The following TMEM229B variants were observed in gnomAD, a reference collection of about 807,000 sequenced individuals.
TMEM229B encodes chromosome 14 open reading frame 83.
Under a neutral mutation model 13.7 loss-of-function variants are expected in TMEM229B, and 6 were observed. The ratio of observed to expected loss-of-function variants is 0.44; its 90% CI spans 0.24 to 0.86. TMEM229B has a LOEUF of 0.86. Ranked by LOEUF, TMEM229B falls within the 40% of genes least tolerant of loss-of-function variation. The pLI is 0.23. For synonymous variants in TMEM229B, 107 were observed against 102.1 expected (o/e 1.05, Z -0.29); for missense variants, 170 against 236.0 (o/e 0.72, Z 1.83).
intron 2 of TMEM229B, among the ~76,000 whole-genome samples, chr14:67,484,752 C>T (rs557211119): frequency 1.3e-5 from 2 of 152,028 alleles, no homozygotes; most frequent in South Asian, 4.2e-4. Flanking sequence ...AGTGAGACCT[C>T]ATTTCTAATA....
intron 1 of TMEM229B, among the ~76,000 whole-genome samples, chr14:67,499,844 TA>T (rs61503134): frequency 0.7 from 105,553 of 150,346 alleles, 37,903 homozygotes; most frequent in Middle Eastern, 0.81. Context: ...GACAAAGGGT[TA>T]AAAAAAAAAA....
upstream of TMEM229B, among the ~76,000 whole-genome samples, chr14:67,516,395 GAGA>G (rs368706068): frequency 0.014 from 1,798 of 124,642 alleles, 39 homozygotes; most frequent in African/African-American, 0.044. Flanking sequence ...AACCTAGCTG[GAGA>G]GGGGGGGAAA....
At chr14:67,498,084 A>G (rs2032462316) in intron 1 of TMEM229B, among the ~76,000 whole-genome samples, 1 of 152,162 alleles carries the variant, frequency 6.6e-6, no homozygotes, top group Non-Finnish European at 1.5e-5. Context: ...AAAGAGAACA[A>G]TTGTTTTTTC....
rs2030757373 is a variant in TMEM229B, at chr14:67,471,957, G to C, written c.*1463C>G. On this transcript the variant is annotated 3_prime_UTR_variant, in exon 3 of 3. Transcript: ENST00000554480. ...TCTAACGGACCCTTCCCCTTGAGGA[G>C]TGAGAGTCAGAGCCGGAAGTAGGCT... 1 of 152,330 alleles carries C rather than the reference G, an allele frequency of 6.6e-6. No individual in the cohort carries two copies. The highest frequency in any genetic ancestry group is 6.5e-5 in the Admixed American group (1 of 15,292). 9.4% of individuals were successfully genotyped at this position (152,330 alleles called of 1,614,324 possible).
chr14:67,527,420 A>G (rs1461801549), intron 1 of TMEM229B, among the ~76,000 whole-genome samples: 1 of 152,200 alleles, frequency 6.6e-6, no homozygotes, highest in Non-Finnish European at 1.5e-5. Flanking sequence ...CCTGGGCAAC[A>G]AGAGTGAAAC....
intron 1 of TMEM229B, among the ~76,000 whole-genome samples, chr14:67,509,785 T>C (rs187519588): frequency 3.3e-5 from 5 of 152,256 alleles, no homozygotes; most frequent in Admixed American, 2.6e-4. Context: ...GGCAGGAGGA[T>C]TGCTTGAGGC....
chr14:67,482,630 G>T (rs1410737801), intron 2 of TMEM229B, among the ~76,000 whole-genome samples: 1 of 152,244 alleles, frequency 6.6e-6, no homozygotes, highest in Non-Finnish European at 1.5e-5. Flanking sequence ...CCCTTGGGCG[G>T]CTCTGTGCTG....
At chr14:67,479,600 C>T (rs1453904183) in intron 2 of TMEM229B, among the ~76,000 whole-genome samples, 2 of 152,192 alleles carry the variant, frequency 1.3e-5, no homozygotes, top group East Asian at 3.9e-4. Flanking sequence ...CACCTGTAAT[C>T]CCAGCTACTC....
At chr14:67,514,918 A>G (rs1302697658) in intron 1 of TMEM229B, among the ~76,000 whole-genome samples, 1 of 152,104 alleles carries the variant, frequency 6.6e-6, no homozygotes, top group East Asian at 1.9e-4. Flanking sequence ...CAGCCTCGAA[A>G]CCGAAAGCAA....
At chr14:67,514,394 A>G (rs573830803) in intron 1 of TMEM229B, among the ~76,000 whole-genome samples, 6 of 152,190 alleles carry the variant, frequency 3.9e-5, no homozygotes, top group African/African-American at 1.4e-4. Context: ...TCCCCATCCC[A>G]GCCAGGCATC....
chr14:67,530,899 G>C lies in TMEM229B; in HGVS notation c.-192+2737C>G, dbSNP rs144669512. ...TGCAGGAGATTACAGAAAAGAAGAC[G>C]AATGGCCTCCTCTCACCTCTCACGT... On this transcript the variant is annotated intron_variant, in intron 1 of 2. Coordinates refer to the TMEM229B transcript ENST00000554278. 1.3e-3 allele frequency among the ~76,000 whole-genome samples: 197 copies of C among 152,264 alleles called. 1 individual carries two copies. The highest frequency in any genetic ancestry group is 2.7e-3 in the Admixed American group (42 of 15,298).
chr14:67,488,837 C>T (rs1355628629), upstream of TMEM229B: 1 of 152,280 alleles, frequency 6.6e-6, no homozygotes, highest in Non-Finnish European at 1.5e-5. Context: ...GAAGCCCCAG[C>T]ACTCAGAAAG....
upstream of TMEM229B, among the ~76,000 whole-genome samples, chr14:67,515,924 G>C (rs1159118571): frequency 4.6e-5 from 7 of 152,256 alleles, no homozygotes; most frequent in South Asian, 6.2e-4. Flanking sequence ...TGGAAGTTAA[G>C]GAATTTGCCT....
chr14:67,492,721 A>G (rs1324164735), upstream of TMEM229B, among the ~76,000 whole-genome samples: 5 of 152,240 alleles, frequency 3.3e-5, no homozygotes, highest in African/African-American at 1.2e-4. Context: ...AGAGATTTCT[A>G]AACAACAAGG....
At chr14:67,474,122 C>G (rs903792235) in intron 2 of TMEM229B, among the ~76,000 whole-genome samples, 181 bp from the exon 3 acceptor site, 4 of 152,106 alleles carry the variant, frequency 2.6e-5, no homozygotes, top group Non-Finnish European at 5.9e-5. Context: ...CGTGGTGGCC[C>G]GCTCCTGTAA....
rs775010055 is a variant in TMEM229B at position 67,473,473 on chromosome 14, C to T, written c.451G>A (p.Gly151Arg). Residue 151 changes from glycine to arginine, a missense_variant, in exon 3 of 3, where the codon GGG becomes AGG. This residue lies in a region of TMEM229B where 70 missense variants were observed against 60.9 expected (regional missense o/e 1.15). Coordinates refer to ENST00000554480, the MANE Select transcript of TMEM229B (RefSeq NM_001348543.2). This position sits in a 1 kb window ranked among gnomAD's most constrained non-coding sequence, Gnocchi z 6.5. ...AGGGCTAGGGCGCCGCTGGGCTCCC[C>T]GGGCTCAGCGTCCTTGTCGAAGCGG... ...RLRFDKDAEP[G>R]EPSGALALAN... The T allele has an allele frequency of 1.9e-6, 3 of 1,614,048 alleles. No individual in the cohort carries two copies. Among genetic ancestry groups the T allele is most frequent in the Non-Finnish European group, 2.5e-6 (3 of 1,180,034 alleles).
intron 1 of TMEM229B, among the ~76,000 whole-genome samples, chr14:67,498,633 A>G (rs999679624): frequency 6.6e-6 from 1 of 152,218 alleles, no homozygotes; most frequent in Non-Finnish European, 1.5e-5. Flanking sequence ...TCAAGTGATC[A>G]GTCTCCCAGA....
intron 1 of TMEM229B, among the ~76,000 whole-genome samples, chr14:67,523,604 T>A (rs2033322388): frequency 6.6e-6 from 1 of 152,248 alleles, no homozygotes; most frequent in Admixed American, 6.5e-5. Context: ...TGTGCGATTA[T>A]TTGTGTTCTA....
intron 2 of TMEM229B, among the ~76,000 whole-genome samples, chr14:67,478,414 C>G (rs28510485): frequency 0.09 from 13,752 of 152,304 alleles, 993 homozygotes; most frequent in African/African-American, 0.2. Context: ...TGCCACTGCT[C>G]TGGTTCACGC....
Sources: allele counts gnomAD v4.1 joint callset (sites outside exome capture counted in the v4.1 genomes callset), GRCh38; gene constraint gnomAD v4.1.1; regional missense constraint gnomAD v4.1.1; non-coding constraint Gnocchi (gnomAD v3.1); transcripts MANE v1.5; gene names NCBI Gene and HGNC (gene_info 2026-07-23, HGNC 2026-07-21).